The following PPP6R2 variants were observed in gnomAD, a reference collection of about 807,000 sequenced individuals.
PPP6R2 encodes the protein protein phosphatase 6 regulatory subunit 2.
Under a neutral mutation model 100.2 loss-of-function variants are expected in PPP6R2, and 62 were observed. The observed-to-expected ratio is 0.62, with a 90% CI of 0.50 to 0.76. PPP6R2 has a LOEUF of 0.76. Ranked by LOEUF, PPP6R2 falls within the 30% of genes least tolerant of loss-of-function variation. The pLI is 0.00. For synonymous variants in PPP6R2, 525 were observed against 514.7 expected, an observed-to-expected ratio of 1.02 and a Z score of -0.27; for missense variants, 1,142 against 1,276.3, an observed-to-expected ratio of 0.89 and a Z score of 1.60.
At chr22:50,436,538 C>T in intron 14 of PPP6R2, 86 bp downstream of exon 14, 2 of 1,370,750 alleles carry the variant, frequency 1.5e-6, no homozygotes, top group East Asian at 2.5e-5. Context: ...GAGGCAGAGG[C>T]CAAGGGAGGC....
intron 3 of PPP6R2, among the ~76,000 whole-genome samples, chr22:50,400,233 A>G (rs1161403842): frequency 6.6e-6 from 1 of 152,202 alleles, no homozygotes; most frequent in African/African-American, 2.4e-5. Context: ...GAACTTTGCC[A>G]TAACAGTTCC....
Position 50,422,374 on chromosome 22 carries a change from G to T in PPP6R2, c.966G>T (p.Pro322=). 1 of 1,613,874 alleles carries T rather than the reference G, an allele frequency of 6.2e-7. No individual in the cohort carries two copies. Among genetic ancestry groups the T allele is most frequent in the South Asian group, 1.1e-5 (1 of 91,026 alleles). ...LKDFHQLLLN[P]PKKKAILTTI... ...ACTTCCACCAGCTCCTGCTCAACCCGCCCAAGGTAAATGGCCGTGGCGACT... is the reference window on the plus strand; with the variant it reads ...ACTTCCACCAGCTCCTGCTCAACCCTCCCAAGGTAAATGGCCGTGGCGACT... The change falls in exon 9 of 24, where the codon CCG becomes CCT. Residue 322 remains proline (P), a synonymous_variant. Coordinates refer to ENST00000612753, the MANE Select transcript of PPP6R2 (RefSeq NM_001242898.2).
intron 1 of PPP6R2, among the ~76,000 whole-genome samples, chr22:50,348,294 C>T (rs971118281): frequency 6.6e-6 from 1 of 152,110 alleles, no homozygotes; most frequent in African/African-American, 2.4e-5. Context: ...GGCACGTGGA[C>T]AGCAGGTGGG....
the PPP6R2 span, among the ~76,000 whole-genome samples, chr22:50,337,405 C>A: frequency 1.4e-5 from 1 of 72,264 alleles, no homozygotes; most frequent in South Asian, 5.2e-4. Flanking sequence ...TGTGTGTGTG[C>A]GATGTGTGGT....
chr22:50,437,464 G>A (rs1569492124), intron 15 of PPP6R2, 42 bp from the exon 16 acceptor site: 1 of 1,387,784 alleles, frequency 7.2e-7, no homozygotes, highest in South Asian at 1.2e-5. Flanking sequence ...CCTCCTCCAT[G>A]ACCGGTGTCT....
At chr22:50,389,846 C>G (rs140284135) in intron 2 of PPP6R2, among the ~76,000 whole-genome samples, 2,992 of 151,980 alleles carry the variant, frequency 0.02, 48 homozygotes, top group East Asian at 0.077. Context: ...GCCTTGGCCC[C>G]GCAAAATGCT....
At chr22:50,332,301 C>T in the PPP6R2 span, among the ~76,000 whole-genome samples, 12,910 of 150,638 alleles carry the variant, frequency 0.086, 1,228 homozygotes, top group African/African-American at 0.24. Flanking sequence ...AATCTTGGCT[C>T]ACTGCAAGCT....
At chr22:50,392,484 A>G (rs2055831414) in intron 2 of PPP6R2, among the ~76,000 whole-genome samples, 1 of 152,330 alleles carries the variant, frequency 6.6e-6, no homozygotes, top group South Asian at 2.1e-4. Context: ...CTCTAAGCCC[A>G]TGGGCAGTGC....
chr22:50,405,007 G>A (rs1025658546), intron 3 of PPP6R2, among the ~76,000 whole-genome samples: 4 of 152,228 alleles, frequency 2.6e-5, no homozygotes, highest in Admixed American at 2.0e-4. Context: ...AAAAGAGGGA[G>A]CAAAGTACCT....
upstream of PPP6R2, among the ~76,000 whole-genome samples, chr22:50,340,487 TGGTGTGTGTAG>T (rs2042360311): frequency 7.5e-6 from 1 of 132,464 alleles, no homozygotes. Context: ...CGGGTGTGTG[TGGTGTGTGTAG>T]GGTGTGGTGT....
At chr22:50,339,869 GTGTGGTGTGGTGT>G (rs2042351597), upstream of PPP6R2, among the ~76,000 whole-genome samples, 1 of 134,170 alleles carries the variant, frequency 7.5e-6, no homozygotes, top group African/African-American at 2.7e-5. Context: ...TGTAGTGTGT[GTGTGGTGTGGTGT>G]GTGTGTGGGG....
rs34553497 is a variant in PPP6R2 at position 50,434,414 on chromosome 22, G to A, written c.1401-552G>A. On this transcript the variant is annotated intron_variant, in intron 12 of 23. Coordinates refer to ENST00000612753, the MANE Select transcript of PPP6R2 (RefSeq NM_001242898.2). The stretch of plus-strand genomic sequence containing the variant: ...GAACCTGGAGGAGGGCCGGGGGCGC[G>A]GACGCTGGGCAGGGGCCGGGCATTT... Among the ~76,000 whole-genome samples the A allele has an allele frequency of 8.4e-5, 6 of 71,848 alleles. 1 individual carries two copies. The East Asian group carries it at 3.1e-3, about 37-fold the overall frequency. 47.1% of individuals were successfully genotyped at this position (71,848 alleles called of 152,430 possible).
At chr22:50,416,491 CTTG>C (rs371912865) in intron 6 of PPP6R2, among the ~76,000 whole-genome samples, 42 of 151,630 alleles carry the variant, frequency 2.8e-4, no homozygotes, top group South Asian at 8.3e-4. Context: ...CTGTTTTCTT[CTTG>C]TTGTTGTTGT....
chr22:50,377,319 G>A (rs1010666159), intron 2 of PPP6R2, among the ~76,000 whole-genome samples: 1 of 152,080 alleles, frequency 6.6e-6, no homozygotes, highest in African/African-American at 2.4e-5. Flanking sequence ...GCCAGGCGTG[G>A]TGGTGCACAC....
chr22:50,347,915 G>A (rs911610312), intron 1 of PPP6R2, among the ~76,000 whole-genome samples: 4 of 152,110 alleles, frequency 2.6e-5, no homozygotes, highest in African/African-American at 9.7e-5. Context: ...ACTTTAAAAT[G>A]TTGTGGGTAC....
chr22:50,430,639 G>A (rs957455354), intron 10 of PPP6R2, among the ~76,000 whole-genome samples: 15 of 152,092 alleles, frequency 9.9e-5, no homozygotes, highest in African/African-American at 2.2e-4. Flanking sequence ...TTTGGGAGGC[G>A]GAGGCGGGCA....
chr22:50,333,819 T>C, the PPP6R2 span, among the ~76,000 whole-genome samples: 1 of 152,036 alleles, frequency 6.6e-6, no homozygotes, highest in African/African-American at 2.4e-5. Context: ...AGACCGGTAG[T>C]GGCCCTGAAT....
chr22:50,332,413 G>C, the PPP6R2 span, among the ~76,000 whole-genome samples: 2 of 151,618 alleles, frequency 1.3e-5, no homozygotes, highest in Admixed American at 6.6e-5. Context: ...TGTATTTTTA[G>C]TAGAAGCGGG....
chr22:50,334,244 C>T, the PPP6R2 span, among the ~76,000 whole-genome samples: 80,104 of 152,050 alleles, frequency 0.53, 23,913 homozygotes, highest in African/African-American at 0.83. Flanking sequence ...TTTCCTGGTC[C>T]GCTGAGTAAC....
Sources: gnomAD v4.1 joint callset for allele counts (sites outside exome capture counted in the v4.1 genomes callset) on GRCh38, gnomAD v4.1.1 for gene constraint, MANE v1.5 for transcripts, NCBI Gene and HGNC (gene_info 2026-07-23, HGNC 2026-07-21) for gene names.